Variants in KLRF2 observed in about 807,000 individuals in gnomAD.
KLRF2 encodes killer cell lectin like receptor F2.
In KLRF2, 28 loss-of-function variants were observed where a neutral mutation model predicts 25.3. The observed-to-expected ratio is 1.11, with a 90% CI of 0.82 to 1.52. The LOEUF is 1.52. KLRF2 is among the 40% of genes most tolerant of loss of function. KLRF2 has a pLI of 0.00. For synonymous variants in KLRF2, 73 were observed against 85.0 expected (o/e 0.86, Z 0.78); for missense variants, 265 against 245.8 (o/e 1.08, Z -0.52).
chr12:9,888,754 A>C lies in KLRF2; in HGVS notation c.191A>C (p.Gln64Pro). ...ACAGATAAAAAAATGGATTTCTCCCAGAATGTAAACGTCAGCAGTCTATCA... is the reference window on the plus strand; with the variant it reads ...ACAGATAAAAAAATGGATTTCTCCCCGAATGTAAACGTCAGCAGTCTATCA... ...KFWHKKMDFS[Q>P]NVNVSSLSGH... is the part of the protein sequence containing the mutation. Residue 64 changes from glutamine to proline, a missense_variant, in exon 3 of 6, where the codon CAG becomes CCG. Coordinates refer to ENST00000535540, the MANE Select transcript of KLRF2 (RefSeq NM_001190765.1). 6 of 1,504,674 alleles carry C rather than the reference A, an allele frequency of 4.0e-6. No individual in the cohort carries two copies. The highest frequency in any genetic ancestry group is 4.5e-6 in the Non-Finnish European group (5 of 1,118,468). The allele number at this position is 1,504,674 out of a possible 1,614,324, so 93.2% of individuals were successfully genotyped here. A position where few individuals can be genotyped will look rare whatever the true frequency, so the allele number is the denominator to read the frequency against.
intron 1 of KLRF2, 56 bp from the exon 2 acceptor site, chr12:9,884,878 C>A: frequency 7.3e-6 from 4 of 549,898 alleles, no homozygotes; most frequent in South Asian, 3.4e-5. Flanking sequence ...AAAAATGAAA[C>A]AGAAAAATAT....
intron 1 of KLRF2, among the ~76,000 whole-genome samples, chr12:9,883,217 A>T (rs1367955535): frequency 6.6e-6 from 1 of 152,204 alleles, no homozygotes; most frequent in Non-Finnish European, 1.5e-5. Flanking sequence ...ATTCCTTAAG[A>T]TTGATATAAT....
chr12:9,894,012 A>G (rs1266466995), intron 5 of KLRF2, among the ~76,000 whole-genome samples: 3 of 151,674 alleles, frequency 2.0e-5, no homozygotes, highest in East Asian at 1.9e-4. Context: ...GTTGATATCC[A>G]TTTCTTTTTC....
chr12:9,887,568 G>A (rs909455668), intron 2 of KLRF2, among the ~76,000 whole-genome samples: 2 of 152,118 alleles, frequency 1.3e-5, no homozygotes, highest in African/African-American at 4.8e-5. Flanking sequence ...GGCTAACTTT[G>A]GATAGAATGA....
chr12:9,887,702 A>T (rs933744851), intron 2 of KLRF2, among the ~76,000 whole-genome samples: 4 of 151,718 alleles, frequency 2.6e-5, no homozygotes, highest in Non-Finnish European at 1.5e-5. Context: ...AGCTGAAGGA[A>T]CTTGATGATA....
chr12:9,890,099 G>T (rs1862656758), intron 3 of KLRF2, among the ~76,000 whole-genome samples: 1 of 151,834 alleles, frequency 6.6e-6, no homozygotes, highest in South Asian at 2.1e-4. Context: ...CCTCAAACTA[G>T]ATTATATTAA....
At chr12:9,885,390 C>A (rs561370080) in intron 2 of KLRF2, among the ~76,000 whole-genome samples, 2 of 151,644 alleles carry the variant, frequency 1.3e-5, no homozygotes, top group African/African-American at 2.4e-5. Context: ...GACTTCCAGA[C>A]TTTTTTCTTC....
chr12:9,889,274 T>A (rs568575633), intron 3 of KLRF2, among the ~76,000 whole-genome samples: 1 of 152,340 alleles, frequency 6.6e-6, no homozygotes, highest in African/African-American at 2.4e-5. Context: ...TTAAACAAAC[T>A]GTGATGATTA....
chr12:9,886,308 A>G (rs1862597208), intron 2 of KLRF2, among the ~76,000 whole-genome samples: 1 of 152,212 alleles, frequency 6.6e-6, no homozygotes, highest in South Asian at 2.1e-4. Flanking sequence ...ATAAATATTT[A>G]TATCTCCTCT....
At chr12:9,885,633 G>A (rs1862585824) in intron 2 of KLRF2, among the ~76,000 whole-genome samples, 1 of 151,864 alleles carries the variant, frequency 6.6e-6, no homozygotes, top group South Asian at 2.1e-4. Flanking sequence ...TCTTAATAAA[G>A]GATCCATATT....
intron 5 of KLRF2, among the ~76,000 whole-genome samples, chr12:9,893,876 C>G (rs1241847804): frequency 6.6e-6 from 1 of 152,056 alleles, no homozygotes; most frequent in Non-Finnish European, 1.5e-5. Flanking sequence ...GCAAATACTT[C>G]TCATGTGGTA....
At position 9,894,655 on chromosome 12, in the gene KLRF2, T is replaced by A. The variant is rs140149146; in HGVS notation, c.480-1034T>A. Among the ~76,000 whole-genome samples the A allele has an allele frequency of 6.6e-3, 1,010 of 152,288 alleles. 7 individuals carry two copies. Among genetic ancestry groups the A allele is most frequent in the South Asian group, 0.025 (123 of 4,830 alleles). ...AGTCATACTACCAAAACACTTGAGA[T>A]GTGGTAAGTCTGGAGCAAAGGCCAT... On this transcript the variant is annotated intron_variant, in intron 5 of 5. Transcript: ENST00000535540.
intron 3 of KLRF2, among the ~76,000 whole-genome samples, chr12:9,891,520 C>T (rs1487515954): frequency 2.0e-5 from 3 of 152,128 alleles, no homozygotes; most frequent in Non-Finnish European, 2.9e-5. Context: ...TTATTTCATC[C>T]AAGTGGCACA....
At chr12:9,894,168 T>C (rs1862726546) in intron 5 of KLRF2, among the ~76,000 whole-genome samples, 1 of 146,646 alleles carries the variant, frequency 6.8e-6, no homozygotes, top group South Asian at 2.2e-4. Context: ...CCCTTCCTTC[T>C]TTGTTTCTTT....
chr12:9,892,933 A>T, intron 3 of KLRF2, 87 bp from the exon 4 acceptor site: 2 of 1,154,356 alleles, frequency 1.7e-6, no homozygotes. Flanking sequence ...GGAAAAATCT[A>T]TTTTCCAAGT....
rs1862748484 is a variant in KLRF2 at position 9,895,709 on chromosome 12, C to A, written c.500C>A (p.Thr167Asn). 1 of 1,534,152 alleles carries A rather than the reference C, an allele frequency of 6.5e-7. No homozygotes were observed. The highest frequency in any genetic ancestry group is 8.7e-7 in the Non-Finnish European group (1 of 1,146,334). Reference protein sequence around the residue: ...VPELFSVIGPTDDRSCAVITG... With the variant: ...VPELFSVIGPNDDRSCAVITG... The stretch of plus-strand genomic sequence containing the variant: ...CTTAGGTTTTCAGTGATTGGACCAA[C>A]TGATGACAGGAGCTGTGCCGTTATC... The change falls in exon 6 of 6, where the codon ACT (threonine) becomes AAT (asparagine). Residue 167 changes from threonine to asparagine, a missense_variant. By Grantham distance (65) the Thr-to-Asn change is moderately conservative. Transcript: ENST00000535540.
chr12:9,893,324 AT>A, intron 4 of KLRF2, 104 bp from the exon 5 acceptor site: 2 of 821,118 alleles, frequency 2.4e-6, no homozygotes, highest in Non-Finnish European at 3.7e-6. Flanking sequence ...GCTAATGTAT[AT>A]GAAAAAATAT....
chr12:9,885,391 T>C (rs989504500), intron 2 of KLRF2, among the ~76,000 whole-genome samples: 3 of 151,864 alleles, frequency 2.0e-5, no homozygotes, highest in African/African-American at 7.2e-5. Flanking sequence ...ACTTCCAGAC[T>C]TTTTTCTTCC....
intron 3 of KLRF2, among the ~76,000 whole-genome samples, chr12:9,889,789 A>C (rs1862652648): frequency 6.6e-6 from 1 of 152,080 alleles, no homozygotes; most frequent in Non-Finnish European, 1.5e-5. Flanking sequence ...GGATAAGAAC[A>C]TAGGCTATAG....
Sources: gnomAD v4.1 joint callset for allele counts (sites outside exome capture counted in the v4.1 genomes callset) on GRCh38, gnomAD v4.1.1 for gene constraint, MANE v1.5 for transcripts, NCBI Gene and HGNC (gene_info 2026-07-23, HGNC 2026-07-21) for gene names.